CYP2C8: variants seen among roughly 807,000 people sequenced by gnomAD.
CYP2C8 encodes cytochrome P450 family 2 subfamily C member 8, also known as cytochrome P450 2C8.
Under a neutral mutation model 41.3 loss-of-function variants are expected in CYP2C8, and 51 were observed. The observed-to-expected ratio is 1.24, with a 90% confidence interval of 0.99 to 1.56. CYP2C8 has a LOEUF of 1.56. CYP2C8 is among the 40% of genes most tolerant of loss of function. The pLI is 0.00. For missense variants in CYP2C8, 651 were observed against 579.9 expected (o/e 1.12, Z -1.26); for synonymous variants, 218 against 205.8 (o/e 1.06, Z -0.51).
At chr10:95,047,148 A>T (rs1366744427) in intron 5 of CYP2C8, among the ~76,000 whole-genome samples, 2 of 151,944 alleles carry the variant, frequency 1.3e-5, no homozygotes. Flanking sequence ...CTCCCTGAGG[A>T]CTCTCCAAAA....
intron 4 of CYP2C8, among the ~76,000 whole-genome samples, chr10:95,062,116 G>A (rs2033449517): frequency 6.6e-6 from 1 of 152,196 alleles, no homozygotes; most frequent in African/African-American, 2.4e-5. Context: ...TGTATATTCT[G>A]TTGATTAGGG....
At position 95,067,595 on chromosome 10, in the gene CYP2C8, C is replaced by T. The variant is rs1465803140; in HGVS notation, c.265G>A (p.Asp89Asn). ...GYEAVKEALI[D>N]NGEEFSGRGN... Reference sequence around the variant, plus strand: ...CTTCCAGAAAACTCCTCTCCATTATCAATCAGGGCTTCCTTCACTGCCTCA... The same window carrying T: ...CTTCCAGAAAACTCCTCTCCATTATTAATCAGGGCTTCCTTCACTGCCTCA... Residue 89 changes from aspartate (D) to asparagine (N), a missense_variant, in exon 2 of 9, where the codon GAT (aspartate) becomes AAT (asparagine). Asp to Asn is a conservative substitution (Grantham distance 23, BLOSUM62 1). Transcript: ENST00000371270. The T allele has an allele frequency of 3.1e-6, 5 of 1,614,046 alleles. No homozygotes were observed. The highest frequency in any genetic ancestry group is 1.3e-5 in the African/African-American group (1 of 74,936).
chr10:95,068,131 C>T (rs2033609471), intron 1 of CYP2C8, among the ~76,000 whole-genome samples: 1 of 152,192 alleles, frequency 6.6e-6, no homozygotes, highest in South Asian at 2.1e-4. Flanking sequence ...CAGCTAAAGA[C>T]TTCAGGGTCA....
intron 8 of CYP2C8, among the ~76,000 whole-genome samples, chr10:95,037,510 A>G (rs1272526944): frequency 1.3e-5 from 2 of 152,208 alleles, no homozygotes; most frequent in South Asian, 2.1e-4. Flanking sequence ...GTACAAAAAG[A>G]GATATATTTG....
intron 4 of CYP2C8, 130 bp from the exon 5 acceptor site, chr10:95,058,641 C>G (rs973603221): frequency 2.5e-6 from 2 of 810,700 alleles, no homozygotes; most frequent in East Asian, 2.7e-5. Flanking sequence ...AATTTTTATA[C>G]ATATATACAT....
intron 3 of CYP2C8, among the ~76,000 whole-genome samples, chr10:95,065,716 T>A (rs962759794): frequency 6.6e-6 from 1 of 152,228 alleles, no homozygotes; most frequent in African/African-American, 2.4e-5. Context: ...TGGGCAAAAC[T>A]ACTCTTGTGG....
chr10:95,061,435 G>A (rs2134433196), intron 4 of CYP2C8, among the ~76,000 whole-genome samples: 1 of 152,278 alleles, frequency 6.6e-6, no homozygotes, highest in East Asian at 1.9e-4. Flanking sequence ...GTGTAGAGGT[G>A]TTTATAGTAT....
At chr10:95,067,401 G>T in intron 2 of CYP2C8, 44 bp from the exon 3 acceptor site, 1 of 1,614,036 alleles carries the variant, frequency 6.2e-7, no homozygotes, top group Non-Finnish European at 8.5e-7. Flanking sequence ...CACAGCCAAG[G>T]AAGAAAGTGC....
At chr10:95,042,048 T>A (rs1934984) in intron 7 of CYP2C8, among the ~76,000 whole-genome samples, 107,091 of 151,658 alleles carry the variant, frequency 0.71, 39,052 homozygotes, top group African/African-American at 0.88. Flanking sequence ...TCAATTATTT[T>A]AAAAAAATAC....
intron 8 of CYP2C8, 92 bp from the exon 9 acceptor site, chr10:95,037,401 C>A (rs10882519): frequency 5.3e-4 from 578 of 1,083,374 alleles, no homozygotes; most frequent in Non-Finnish European, 7.4e-4. Context: ...ACAGAATATG[C>A]AGTAAATAAT....
At position 95,038,826 on chromosome 10, in the gene CYP2C8, A is replaced by G. The variant is rs1370239394; in HGVS notation, c.1291+71T>C. The G allele has an allele frequency of 3.4e-6, 5 of 1,451,116 alleles. No homozygotes were observed. The African/African-American group carries it at 7.0e-5, about 20-fold the overall frequency. 89.9% of individuals were successfully genotyped at this position (1,451,116 alleles called of 1,614,324 possible). ...TTCTACCAGCCCCAGAGGAGGTGCC[A>G]TGTAAATTCCAACTAATTCCAAAAA... On this transcript the variant is annotated intron_variant, in intron 8 of 8. Transcript: ENST00000371270.
intron 5 of CYP2C8, among the ~76,000 whole-genome samples, chr10:95,055,537 C>CG (rs11572121): frequency 0.69 from 104,318 of 151,306 alleles, 36,709 homozygotes; most frequent in Middle Eastern, 0.85. Context: ...AATAAAACAT[C>CG]GGTTAAATAT....
intron 6 of CYP2C8, 69 bp downstream of exon 6, chr10:95,045,741 T>G: frequency 6.3e-7 from 1 of 1,579,572 alleles, no homozygotes; most frequent in Non-Finnish European, 8.7e-7. Context: ...AGAAACAAGG[T>G]GGAGGATACT....
chr10:95,056,676 G>A (rs1011823531), intron 5 of CYP2C8, among the ~76,000 whole-genome samples: 3 of 152,104 alleles, frequency 2.0e-5, no homozygotes, highest in Admixed American at 6.5e-5. Context: ...TGGGTCAAAT[G>A]TTATACTCAT....
chr10:95,067,597 A>C lies in CYP2C8; in HGVS notation c.263T>G (p.Ile88Ser), dbSNP rs201449274. ...HGYEAVKEAL[I>S]DNGEEFSGRG... is the part of the protein sequence containing the mutation. ...TCCAGAAAACTCCTCTCCATTATCA[A>C]TCAGGGCTTCCTTCACTGCCTCATA... Residue 88 changes from isoleucine to serine, a missense_variant, in exon 2 of 9, where the codon ATT (isoleucine) becomes AGT (serine). By Grantham distance (142) the Ile-to-Ser change is moderately radical. Coordinates refer to ENST00000371270, the MANE Select transcript of CYP2C8 (RefSeq NM_000770.3). The C allele has an allele frequency of 2.5e-6, 4 of 1,614,196 alleles. No homozygotes were observed. The East Asian group carries it at 8.9e-5, about 36-fold the overall frequency.
intron 7 of CYP2C8, 188 bp from the exon 8 acceptor site, chr10:95,039,226 T>A (rs899965282): frequency 6.5e-5 from 39 of 604,200 alleles, no homozygotes; most frequent in Non-Finnish European, 1.1e-4. Context: ...TCCAATCACA[T>A]TTGAAGTCTT....
At position 95,036,847 on chromosome 10, in the gene CYP2C8, A is replaced by G; in HGVS notation, c.*281T>C. On this transcript the variant is annotated 3_prime_UTR_variant, in exon 9 of 9. Coordinates refer to ENST00000371270, the MANE Select transcript of CYP2C8 (RefSeq NM_000770.3). ...GGATCTAAATTATCATTCATTAATC[A>G]CTTTTCTGTGTTTTACAGTGATAAC... 2.4e-6 allele frequency: 1 copy of G among 417,912 alleles called. No homozygotes were observed. The highest frequency in any genetic ancestry group is 4.4e-6 in the Non-Finnish European group (1 of 228,134). 25.9% of individuals were successfully genotyped at this position (417,912 alleles called of 1,614,324 possible). A position where few individuals can be genotyped will look rare whatever the true frequency, so the allele number is the denominator to read the frequency against.
chr10:95,066,091 G>A (rs973022019), intron 3 of CYP2C8, among the ~76,000 whole-genome samples: 4 of 150,148 alleles, frequency 2.7e-5, no homozygotes, highest in African/African-American at 9.8e-5. Flanking sequence ...TTAGCCAAGG[G>A]GGTGAAAGGT....
chr10:95,048,884 T>C (rs947172), intron 5 of CYP2C8, among the ~76,000 whole-genome samples: 29,760 of 152,018 alleles, frequency 0.2, 3,079 homozygotes, highest in East Asian at 0.39. Flanking sequence ...AAAAAACCTA[T>C]AAAAAACTCT....
Sources: allele counts gnomAD v4.1 joint callset (sites outside exome capture counted in the v4.1 genomes callset), GRCh38; gene constraint gnomAD v4.1.1; transcripts MANE v1.5; gene names NCBI Gene and HGNC (gene_info 2026-07-23, HGNC 2026-07-21).